Variants in CCBE1 observed in about 807,000 individuals in gnomAD.
CCBE1 encodes the protein collagen and calcium binding EGF domains 1.
In CCBE1, 37 loss-of-function variants were observed where a neutral mutation model predicts 50.0. The observed-to-expected ratio is 0.74, with a 90% confidence interval of 0.57 to 0.97. CCBE1 has a LOEUF of 0.97. Among genes scored for constraint, CCBE1 ranks in the 50% least tolerant of loss-of-function variants. CCBE1 has a pLI of 0.00. For missense variants in CCBE1, 538 were observed against 523.8 expected (o/e 1.03, Z -0.26); for synonymous variants, 234 against 203.7 (o/e 1.15, Z -1.27).
chr18:59,634,457 A>T (rs1024496378), intron 2 of CCBE1, among the ~76,000 whole-genome samples: 2 of 152,262 alleles, frequency 1.3e-5, no homozygotes, highest in African/African-American at 2.4e-5. Flanking sequence ...GCAGAAGCAA[A>T]CAAGTGTCCC....
intron 2 of CCBE1, among the ~76,000 whole-genome samples, chr18:59,526,259 C>T (rs1914814698): frequency 6.7e-6 from 1 of 148,192 alleles, no homozygotes; most frequent in East Asian, 2.0e-4. Flanking sequence ...GGTTTGTTTG[C>T]TTTTGGTTTC....
At chr18:59,551,571 G>T (rs570528265) in intron 2 of CCBE1, among the ~76,000 whole-genome samples, 137 of 152,322 alleles carry the variant, frequency 9.0e-4, no homozygotes, top group African/African-American at 3.0e-3. Flanking sequence ...AGGACCCCCT[G>T]TCCTATATGC....
At chr18:59,483,296 A>AT (rs1912663125) in intron 2 of CCBE1, among the ~76,000 whole-genome samples, 1 of 152,202 alleles carries the variant, frequency 6.6e-6, no homozygotes, top group Non-Finnish European at 1.5e-5. Flanking sequence ...GTATAATCTG[A>AT]TTTTATTACA....
intron 2 of CCBE1, among the ~76,000 whole-genome samples, chr18:59,583,413 C>T (rs1271699576): frequency 6.6e-6 from 1 of 152,192 alleles, no homozygotes; most frequent in African/African-American, 2.4e-5. Flanking sequence ...ATTTCTTCCA[C>T]TGATCTGACC....
chr18:59,527,975 G>A (rs936122157), intron 2 of CCBE1, among the ~76,000 whole-genome samples: 1 of 152,112 alleles, frequency 6.6e-6, no homozygotes, highest in African/African-American at 2.4e-5. Flanking sequence ...TCTTCTCATG[G>A]AGTATTTTAC....
At chr18:59,636,764 T>G (rs1289575791) in intron 2 of CCBE1, among the ~76,000 whole-genome samples, 1 of 152,038 alleles carries the variant, frequency 6.6e-6, no homozygotes, top group East Asian at 1.9e-4. Context: ...GAAGGAATAG[T>G]AAGCAAAAAA....
intron 2 of CCBE1, among the ~76,000 whole-genome samples, chr18:59,593,637 A>G (rs376203134): frequency 4.5e-4 from 68 of 152,340 alleles, no homozygotes; most frequent in African/African-American, 1.2e-3. Context: ...AACTCCCTGG[A>G]CACACTTATC....
intron 2 of CCBE1, among the ~76,000 whole-genome samples, chr18:59,656,135 C>T (rs976424207): frequency 7.9e-5 from 12 of 152,118 alleles, no homozygotes; most frequent in Non-Finnish European, 8.8e-5. Context: ...TGATTACTCC[C>T]AAAGAAGTGA....
At chr18:59,694,924 T>C (rs377739254) in intron 2 of CCBE1, among the ~76,000 whole-genome samples, 41 of 152,312 alleles carry the variant, frequency 2.7e-4, no homozygotes, top group African/African-American at 9.4e-4. Flanking sequence ...TAAAATGTCA[T>C]TTTTGCGAGA....
rs2052971773 is a variant in CCBE1 at position 59,574,959 on chromosome 18, G to T, written c.213-94721C>A. Among the ~76,000 whole-genome samples the T allele has an allele frequency of 2.6e-5, 4 of 152,238 alleles. No homozygotes were observed. In the South Asian group the frequency reaches 8.3e-4, roughly 32 times the overall value. ...AGACGAAGTCATACTGAAGAAGGGT[G>T]GGTCTCTAATCCAATCCATATAAAA... On this transcript the variant is annotated intron_variant, in intron 2 of 10. Transcript: ENST00000439986.
At chr18:59,579,045 A>T (rs2053045142) in intron 2 of CCBE1, among the ~76,000 whole-genome samples, 1 of 152,192 alleles carries the variant, frequency 6.6e-6, no homozygotes, top group Non-Finnish European at 1.5e-5. Context: ...TGGCTTAAAG[A>T]CAGATTTCAG....
chr18:59,514,807 C>G (rs1325888842), intron 2 of CCBE1, among the ~76,000 whole-genome samples: 1 of 152,034 alleles, frequency 6.6e-6, no homozygotes, highest in Admixed American at 6.5e-5. Context: ...TCAGCAGACA[C>G]ATTTTAAGTT....
chr18:59,452,567 T>TG (rs1910989423), intron 6 of CCBE1, among the ~76,000 whole-genome samples: 2 of 152,188 alleles, frequency 1.3e-5, no homozygotes, highest in South Asian at 4.1e-4. Context: ...CACTCCAGCC[T>TG]GGGCGACAGA....
At chr18:59,552,613 C>T (rs938500375) in intron 2 of CCBE1, among the ~76,000 whole-genome samples, 5 of 152,162 alleles carry the variant, frequency 3.3e-5, no homozygotes, top group South Asian at 4.1e-4. Context: ...GTTCCCACAT[C>T]GTTTTTCTAT....
chr18:59,624,532 G>C (rs552777669), intron 2 of CCBE1, among the ~76,000 whole-genome samples: 28 of 152,320 alleles, frequency 1.8e-4, no homozygotes, highest in African/African-American at 6.5e-4. Flanking sequence ...CAACAAAATA[G>C]AGTTAGGCTT....
intron 2 of CCBE1, among the ~76,000 whole-genome samples, chr18:59,645,828 G>A (rs991832181): frequency 9.2e-5 from 14 of 152,148 alleles, no homozygotes; most frequent in South Asian, 2.1e-4. Context: ...TCAGGAGATC[G>A]AGACCATCCT....
At chr18:59,449,951 C>T (rs1910854123) in intron 6 of CCBE1, among the ~76,000 whole-genome samples, 1 of 152,202 alleles carries the variant, frequency 6.6e-6, no homozygotes, top group African/African-American at 2.4e-5. Flanking sequence ...TGGTTCCCTT[C>T]AGCCCCTCTG....
At chr18:59,682,048 G>A (rs981545467) in intron 2 of CCBE1, among the ~76,000 whole-genome samples, 1 of 152,194 alleles carries the variant, frequency 6.6e-6, no homozygotes, top group African/African-American at 2.4e-5. Flanking sequence ...TGGAAGGTAG[G>A]GAGAGGGTAG....
At chr18:59,696,855 G>A (rs2054813436) in intron 1 of CCBE1, 146 bp from the exon 2 acceptor site, 2 of 911,902 alleles carry the variant, frequency 2.2e-6, no homozygotes, top group Non-Finnish European at 1.7e-6. Flanking sequence ...ACGCGTACGC[G>A]GGGCAGACTC....
Sources: allele counts gnomAD v4.1 joint callset (sites outside exome capture counted in the v4.1 genomes callset), GRCh38; gene constraint gnomAD v4.1.1; transcripts MANE v1.5; gene names NCBI Gene and HGNC (gene_info 2026-07-23, HGNC 2026-07-21).